USP48: variants seen among roughly 807,000 people sequenced by gnomAD.
USP48 encodes the protein ubiquitin carboxyl-terminal hydrolase 48.
Under a neutral mutation model 150.7 loss-of-function variants are expected in USP48, and 43 were observed. The ratio of observed to expected loss-of-function variants is 0.29; its 90% CI spans 0.22 to 0.37. The LOEUF (loss-of-function observed/expected upper bound fraction) is 0.37, where lower values mean the gene tolerates loss of function less well. Among genes scored for constraint, USP48 ranks in the 10% least tolerant of loss-of-function variants. The pLI, the probability that USP48 is intolerant of heterozygous loss-of-function variation, is 1.00. For synonymous variants in USP48, 396 were observed against 425.9 expected (o/e 0.93, Z 0.86); for missense variants, 813 against 1,249.6 (o/e 0.65, Z 5.27).
Position 21,747,864 on chromosome 1 carries a change from C to T in USP48, c.908+274G>A, listed in dbSNP as rs1374834524. 2.0e-5 allele frequency among the ~76,000 whole-genome samples: 3 copies of T among 152,302 alleles called. No individual in the cohort carries two copies. In the East Asian group the frequency reaches 5.8e-4, roughly 29 times the overall value. ...CTGGGATTACAGGCGTGAGCCACCG[C>T]ACCCGGCCCTTGCAGTTTTTAATAC... On this transcript the variant is annotated intron_variant, in intron 7 of 26. Coordinates refer to ENST00000308271, the MANE Select transcript of USP48 (RefSeq NM_032236.8).
At position 21,751,627 on chromosome 1, in the gene USP48, C is replaced by A. The variant is rs2097814122; in HGVS notation, c.666-12G>T. 3 of 1,601,052 alleles carry A rather than the reference C, an allele frequency of 1.9e-6. No homozygotes were observed. Among genetic ancestry groups the A allele is most frequent in the Non-Finnish European group, 2.6e-6 (3 of 1,168,534 alleles). ...CACACTGGTTGCAACTATAATAAAA[C>A]AGAACGACAAAATTCAGATCAGAGT... On this transcript the variant is annotated splice_polypyrimidine_tract_variant and intron_variant, in intron 5 of 26. Coordinates refer to ENST00000308271, the MANE Select transcript of USP48 (RefSeq NM_032236.8).
chr1:21,742,886 T>C (rs1220731416), intron 8 of USP48, among the ~76,000 whole-genome samples: 1 of 152,142 alleles, frequency 6.6e-6, no homozygotes, highest in Non-Finnish European at 1.5e-5. Flanking sequence ...AAGACAACCA[T>C]GAACAGAAGC....
rs1317646415 is a variant in USP48, at chr1:21,701,675, G to A, written c.2623-73C>T. On this transcript the variant is annotated intron_variant, in intron 21 of 26. Transcript: ENST00000308271. ...GCAGGCTATGGAGGATGTGGGGGCT[G>A]GGACCGGCAACCTTTATCAAGACGA... 19 of 1,240,220 alleles carry A rather than the reference G, an allele frequency of 1.5e-5. No individual in the cohort carries two copies. The Admixed American group carries it at 1.8e-4, about 11-fold the overall frequency. The allele number at this position is 1,240,220 out of a possible 1,614,324, so 76.8% of individuals were successfully genotyped here.
intron 26 of USP48, 105 bp from the exon 27 acceptor site, chr1:21,679,544 A>ATAAATGAAC: frequency 7.1e-7 from 1 of 1,406,074 alleles, no homozygotes; most frequent in Non-Finnish European, 1.0e-6. Flanking sequence ...ATCAAATTTA[A>ATAAATGAAC]TAAATGAACA....
chr1:21,732,944 A>G (rs1252606256), intron 9 of USP48: 1 of 155,676 alleles, frequency 6.4e-6, no homozygotes, highest in Non-Finnish European at 1.4e-5. Flanking sequence ...TAAAATGTGC[A>G]AAGAAAAAAA....
chr1:21,724,962 G>A (rs2097732388), intron 11 of USP48: 2 of 152,058 alleles, frequency 1.3e-5, no homozygotes, highest in Non-Finnish European at 2.9e-5. Flanking sequence ...ACATACAGAG[G>A]TTGAATTTAT....
In USP48 at chr1:21,756,996, C is replaced by T. The variant is rs558146222; in HGVS notation, c.256-294G>A. The T allele has an allele frequency of 5.1e-6, 5 of 985,286 alleles. No individual in the cohort carries two copies. In the South Asian group the frequency reaches 1.4e-4, roughly 28 times the overall value. The allele number at this position is 985,286 out of a possible 1,614,324, so 61.0% of individuals were successfully genotyped here. A position where few individuals can be genotyped will look rare whatever the true frequency, so the allele number is the denominator to read the frequency against. ...TAGAACAGTGGATTCTAGAAAAGAT[C>T]GGTTTTGAACAAGCGTATATAGGTT... On this transcript the variant is annotated intron_variant, in intron 2 of 26. Coordinates refer to ENST00000308271, the MANE Select transcript of USP48 (RefSeq NM_032236.8).
chr1:21,724,245 A>G, intron 11 of USP48, 150 bp from the exon 12 acceptor site: 1 of 781,158 alleles, frequency 1.3e-6, no homozygotes, highest in Non-Finnish European at 2.1e-6. Context: ...TTTGATGAGT[A>G]CGACACAAAG....
chr1:21,687,078 A>G, intron 25 of USP48, 113 bp downstream of exon 25: 1 of 948,436 alleles, frequency 1.1e-6, no homozygotes, highest in Non-Finnish European at 1.6e-6. Flanking sequence ...CAATATGTGG[A>G]AGCTTTTTTC....
At chr1:21,757,840 A>G in intron 1 of USP48, 57 bp from the exon 2 acceptor site, 2 of 1,510,298 alleles carry the variant, frequency 1.3e-6, no homozygotes, top group South Asian at 1.3e-5. Flanking sequence ...ATGAGAGACA[A>G]ACAAATTAAA....
chr1:21,687,018 T>C (rs1457377938), intron 25 of USP48, 173 bp downstream of exon 25: 16 of 645,090 alleles, frequency 2.5e-5, no homozygotes, highest in South Asian at 8.2e-5. Flanking sequence ...TTTTTGTAGA[T>C]ATCTTTCCCT....
chr1:21,687,017 A>T (rs1038512624), intron 25 of USP48, 174 bp downstream of exon 25: 2 of 642,816 alleles, frequency 3.1e-6, no homozygotes, highest in Non-Finnish European at 5.3e-6. Context: ...GTTTTTGTAG[A>T]TATCTTTCCC....
chr1:21,705,759 T>C lies in USP48; in HGVS notation c.2352A>G (p.Thr784=). The change falls in exon 19 of 27, where the codon ACA becomes ACG. Residue 784 remains threonine, a synonymous_variant. Transcript: ENST00000308271. ...LLCPHGGLMF[T]FASMTKEDSK... ...AATCTTCTTTGGTCATGGAAGCAAA[T>C]GTAAACATGAGGCCCCCGTGGGGAC... 6.2e-7 allele frequency: 1 copy of C among 1,611,394 alleles called. No homozygotes were observed. The highest frequency in any genetic ancestry group is 1.1e-5 in the South Asian group (1 of 90,250).
chr1:21,720,923 C>A, intron 14 of USP48, 113 bp downstream of exon 14: 1 of 1,389,672 alleles, frequency 7.2e-7, no homozygotes, highest in Non-Finnish European at 9.9e-7. Flanking sequence ...AGTGATCTGC[C>A]CGTCTGAGCC....
intron 1 of USP48, among the ~76,000 whole-genome samples, chr1:21,765,421 G>C (rs1417009183): frequency 6.6e-6 from 1 of 152,072 alleles, no homozygotes; most frequent in Non-Finnish European, 1.5e-5. Context: ...TTTGAGACCA[G>C]CCTGGCTAAT....
At chr1:21,704,174 T>C in intron 20 of USP48, 88 bp downstream of exon 20, 2 of 1,492,948 alleles carry the variant, frequency 1.3e-6, no homozygotes, top group Non-Finnish European at 1.8e-6. Context: ...GCATGATCTT[T>C]AACTTTAAGC....
Position 21,782,003 on chromosome 1 carries a change from C to T in USP48, c.134+821G>A, listed in dbSNP as rs1314354656. 1.3e-5 allele frequency: 2 copies of T among 152,178 alleles called. 1 individual carries two copies. Among genetic ancestry groups the T allele is most frequent in the Admixed American group, 1.3e-4 (2 of 15,264 alleles). The allele number at this position is 152,178 out of a possible 1,614,324, so 9.4% of individuals were successfully genotyped here. On this transcript the variant is annotated intron_variant, in intron 1 of 26. Coordinates refer to ENST00000308271, the MANE Select transcript of USP48 (RefSeq NM_032236.8). ...CAGAGACCATGACTTCCATTCCTTC[C>T]GGATCCCCCAGCGGAATGTAAAAAC...
chr1:21,748,188 A>C lies in USP48; in HGVS notation c.858T>G (p.Leu286=). 1 of 1,614,118 alleles carries C rather than the reference A, an allele frequency of 6.2e-7. No individual in the cohort carries two copies. The highest frequency in any genetic ancestry group is 2.2e-5 in the East Asian group (1 of 44,858). ...GCAAGTTCAGAGTGCAAGGAAGGCT[A>C]AGAAGTCGAATCTTTCTTGTTGCAT... is the stretch of plus-strand genomic sequence containing the variant. ...KQNATRKIRL[L]SLPCTLNLQL... Residue 286 remains leucine, a synonymous_variant, in exon 7 of 27, where the codon CTT becomes CTG. Transcript: ENST00000308271.
rs192015805 is a variant in USP48 at position 21,679,092 on chromosome 1, C to A, written c.*325G>T. ...CAAGGAAATATAACAGAACTTTATTCCCCTCCCACGACTATAAATCTCATA... is the reference window on the plus strand; with the variant it reads ...CAAGGAAATATAACAGAACTTTATTACCCTCCCACGACTATAAATCTCATA... On this transcript the variant is annotated 3_prime_UTR_variant, in exon 27 of 27. Transcript: ENST00000308271. 3 of 413,432 alleles carry A rather than the reference C, an allele frequency of 7.3e-6. No individual in the cohort carries two copies. The highest frequency in any genetic ancestry group is 8.8e-6 in the Non-Finnish European group (2 of 226,568). The allele number at this position is 413,432 out of a possible 1,614,324, so 25.6% of individuals were successfully genotyped here. A position where few individuals can be genotyped will look rare whatever the true frequency, so the allele number is the denominator to read the frequency against.
Sources: gnomAD v4.1 joint callset for allele counts (sites outside exome capture counted in the v4.1 genomes callset) on GRCh38, gnomAD v4.1.1 for gene constraint, MANE v1.5 for transcripts, NCBI Gene and HGNC (gene_info 2026-07-23, HGNC 2026-07-21) for gene names.